Variants in CSMD1 observed in about 807,000 individuals in gnomAD.
CSMD1 encodes CUB and sushi domain-containing protein 1.
CSMD1 carries 213 observed loss-of-function variants against 417.5 expected under a neutral mutation model. That is an observed-to-expected ratio of 0.51 (90% CI 0.46 to 0.57). The LOEUF is 0.57. Ranked by LOEUF, CSMD1 falls within the 20% of genes least tolerant of loss-of-function variation. The pLI, the probability that CSMD1 is intolerant of heterozygous loss-of-function variation, is 0.00. For missense variants in CSMD1, 6,923 were observed against 4,529.7 expected (o/e 1.53, Z -15.17); for synonymous variants, 2,862 against 1,736.8 (o/e 1.65, Z -16.11).
intron 7 of CSMD1, among the ~76,000 whole-genome samples, chr8:3,674,772 G>C (rs1277358421): frequency 3.3e-5 from 5 of 152,148 alleles, no homozygotes; most frequent in Non-Finnish European, 7.3e-5. Flanking sequence ...AAAATGAAAG[G>C]TAACTATAGT....
intron 3 of CSMD1, among the ~76,000 whole-genome samples, chr8:4,204,850 A>C (rs1355080291): frequency 6.6e-6 from 1 of 152,016 alleles, no homozygotes; most frequent in Non-Finnish European, 1.5e-5. Flanking sequence ...TTACAAAGAC[A>C]GGGTATCACT....
chr8:4,460,885 A>G (rs892259878), intron 2 of CSMD1, among the ~76,000 whole-genome samples: 1 of 152,162 alleles, frequency 6.6e-6, no homozygotes, highest in Non-Finnish European at 1.5e-5. Flanking sequence ...AATTCTTTCC[A>G]AAAATAGAAG....
intron 2 of CSMD1, among the ~76,000 whole-genome samples, chr8:4,427,541 A>T (rs1015532639): frequency 2.0e-5 from 3 of 152,018 alleles, no homozygotes; most frequent in Non-Finnish European, 2.9e-5. Flanking sequence ...ACAGTGAATC[A>T]TGTGAGTATA....
At chr8:4,188,700 A>C (rs562174245) in intron 3 of CSMD1, among the ~76,000 whole-genome samples, 2 of 152,182 alleles carry the variant, frequency 1.3e-5, no homozygotes, top group Non-Finnish European at 2.9e-5. Context: ...AAAAAGAGGA[A>C]GTGTAAATAA....
intron 17 of CSMD1, among the ~76,000 whole-genome samples, chr8:3,390,765 G>T (rs1811301672): frequency 6.6e-6 from 1 of 152,052 alleles, no homozygotes. Context: ...AGCTCATACG[G>T]AGGTACATTT....
intron 1 of CSMD1, among the ~76,000 whole-genome samples, chr8:4,677,339 CAT>C (rs150000800): frequency 0.016 from 2,475 of 152,070 alleles, 64 homozygotes; most frequent in African/African-American, 0.057. Context: ...TCATTATAAA[CAT>C]GTGCTACCTA....
chr8:3,846,234 G>C (rs150312168), intron 5 of CSMD1, among the ~76,000 whole-genome samples: 37 of 152,254 alleles, frequency 2.4e-4, no homozygotes, highest in African/African-American at 8.7e-4. Context: ...CATCATCACA[G>C]ATACGTCCAC....
At chr8:4,689,161 G>A (rs969686873) in intron 1 of CSMD1, among the ~76,000 whole-genome samples, 5 of 152,142 alleles carry the variant, frequency 3.3e-5, no homozygotes, top group South Asian at 2.1e-4. Context: ...AAGGTAACAG[G>A]CCCCAAATCT....
chr8:4,891,196 T>C (rs1317752195), intron 1 of CSMD1, among the ~76,000 whole-genome samples: 1 of 152,114 alleles, frequency 6.6e-6, no homozygotes, highest in Non-Finnish European at 1.5e-5. Context: ...AAGTGAAACA[T>C]GTGACAGTCA....
At chr8:4,199,567 C>A (rs1356205150) in intron 3 of CSMD1, among the ~76,000 whole-genome samples, 1 of 152,134 alleles carries the variant, frequency 6.6e-6, no homozygotes, top group Non-Finnish European at 1.5e-5. Context: ...AAAGGAGCTA[C>A]CGGACAACAG....
At chr8:3,530,724 T>C (rs902419741) in intron 10 of CSMD1, among the ~76,000 whole-genome samples, 5 of 152,126 alleles carry the variant, frequency 3.3e-5, no homozygotes, top group African/African-American at 4.8e-5. Context: ...AGAGACAGTT[T>C]CACCATGTTG....
In CSMD1 at chr8:4,314,331, G is replaced by C. The variant is rs561501857; in HGVS notation, c.415+105622C>G. 2.4e-3 allele frequency among the ~76,000 whole-genome samples: 364 copies of C among 152,294 alleles called. 2 individuals are homozygous for C. Among genetic ancestry groups the C allele is most frequent in the African/African-American group, 8.1e-3 (337 of 41,558 alleles). ...AGAAAATACATTCACTAGCCCAACA[G>C]CCAGTGCCTCCACCTGCCATAGAAC... On this transcript the variant is annotated intron_variant, in intron 3 of 69. Transcript: ENST00000635120.
intron 12 of CSMD1, among the ~76,000 whole-genome samples, chr8:3,426,025 A>G (rs1258184474): frequency 6.6e-6 from 1 of 152,152 alleles, no homozygotes; most frequent in Non-Finnish European, 1.5e-5. Flanking sequence ...AGAATTATTT[A>G]AAAAAAATCT....
intron 5 of CSMD1, among the ~76,000 whole-genome samples, chr8:3,919,314 G>C (rs969130050): frequency 1.3e-5 from 2 of 150,716 alleles, no homozygotes; most frequent in African/African-American, 2.4e-5. Flanking sequence ...CATCAATTTT[G>C]TGTGGTCTAA....
Position 2,969,690 on chromosome 8 carries a change from G to A in CSMD1, c.8924-2944C>T, listed in dbSNP as rs1345202824. 2.0e-5 allele frequency among the ~76,000 whole-genome samples: 3 copies of A among 152,110 alleles called. No individual in the cohort carries two copies. In the East Asian group the frequency reaches 5.8e-4, roughly 29 times the overall value. ...TACGCTTCCTGGAAATGCAACCACT[G>A]GTTACATCCTTTTTCATCGAGAGGA... is the stretch of plus-strand genomic sequence containing the variant. On this transcript the variant is annotated intron_variant, in intron 57 of 69. Transcript: ENST00000635120.
intron 5 of CSMD1, among the ~76,000 whole-genome samples, chr8:3,946,364 G>C (rs1297543066): frequency 6.6e-6 from 1 of 152,070 alleles, no homozygotes; most frequent in African/African-American, 2.4e-5. Flanking sequence ...TATCACGTAT[G>C]TGCTGGCCTG....
chr8:3,752,112 G>T (rs1797372334), intron 6 of CSMD1, among the ~76,000 whole-genome samples: 1 of 151,968 alleles, frequency 6.6e-6, no homozygotes. Flanking sequence ...CCGCCAACAC[G>T]TCCATCCCAC....
intron 46 of CSMD1, among the ~76,000 whole-genome samples, chr8:3,105,839 C>A (rs1816099094): frequency 6.6e-6 from 1 of 152,136 alleles, no homozygotes; most frequent in Non-Finnish European, 1.5e-5. Flanking sequence ...AACAGATAGG[C>A]ATGTGATAAA....
intron 1 of CSMD1, among the ~76,000 whole-genome samples, chr8:4,748,255 C>G (rs931994104): frequency 6.6e-6 from 1 of 152,210 alleles, no homozygotes; most frequent in African/African-American, 2.4e-5. Context: ...CAACCGATTA[C>G]AATCTTTAGA....
Sources: allele counts gnomAD v4.1 joint callset (sites outside exome capture counted in the v4.1 genomes callset), GRCh38; gene constraint gnomAD v4.1.1; transcripts MANE v1.5; gene names NCBI Gene and HGNC (gene_info 2026-07-23, HGNC 2026-07-21).